The following AFG2A variants were observed in gnomAD, a reference collection of about 807,000 sequenced individuals.
The protein encoded by AFG2A is AAA ATPase AFG2A, also known as ATPase family gene 2 protein homolog A.
At chr4:123,074,111 T>TTTTTTTTTTTTG in the AFG2A span, among the ~76,000 whole-genome samples, 3 of 149,012 alleles carry the variant, frequency 2.0e-5, no homozygotes, top group Non-Finnish European at 3.0e-5. Flanking sequence ...TTTTTTTTTT[T>TTTTTTTTTTTTG]GAGGCAGAGT....
chr4:123,227,524 AG>A, the AFG2A span, among the ~76,000 whole-genome samples: 1 of 152,094 alleles, frequency 6.6e-6, no homozygotes, highest in African/African-American at 2.4e-5. Flanking sequence ...AGCGGTTTTG[AG>A]TGAGTTTCTT....
chr4:123,152,330 T>C, the AFG2A span, among the ~76,000 whole-genome samples: 1 of 152,210 alleles, frequency 6.6e-6, no homozygotes, highest in East Asian at 1.9e-4. Flanking sequence ...GAAGACAAGC[T>C]ACAGGCTGGG....
the AFG2A span, among the ~76,000 whole-genome samples, chr4:123,126,500 C>A: frequency 6.6e-6 from 1 of 152,082 alleles, no homozygotes; most frequent in Non-Finnish European, 1.5e-5. Context: ...GGCTGTGTCC[C>A]CACCAAAATC....
At chr4:123,294,950 T>A in the AFG2A span, among the ~76,000 whole-genome samples, 1 of 152,218 alleles carries the variant, frequency 6.6e-6, no homozygotes, top group Non-Finnish European at 1.5e-5. Flanking sequence ...CCATACTGGT[T>A]TGCAGCACCT....
At chr4:123,269,718 T>C in the AFG2A span, among the ~76,000 whole-genome samples, 2 of 152,164 alleles carry the variant, frequency 1.3e-5, no homozygotes, top group African/African-American at 2.4e-5. Context: ...TGGGGGAACC[T>C]GCATTTCAAC....
chr4:123,177,192 AT>A, the AFG2A span, among the ~76,000 whole-genome samples: 1,121 of 130,222 alleles, frequency 8.6e-3, 12 homozygotes, highest in Admixed American at 0.029. Flanking sequence ...GCTTGATTTG[AT>A]TTTTTTTTTT....
At chr4:123,308,384 C>T in the AFG2A span, among the ~76,000 whole-genome samples, 1,423 of 152,294 alleles carry the variant, frequency 9.3e-3, 12 homozygotes, top group Non-Finnish European at 0.015. Flanking sequence ...AGGCCATGCA[C>T]CGGTACTGGT....
At chr4:123,223,695 C>T in the AFG2A span, among the ~76,000 whole-genome samples, 1 of 152,182 alleles carries the variant, frequency 6.6e-6, no homozygotes, top group South Asian at 2.1e-4. Flanking sequence ...CCAGGCCCCA[C>T]CTCCAACACT....
At chr4:122,990,650 C>A in the AFG2A span, among the ~76,000 whole-genome samples, 4 of 152,088 alleles carry the variant, frequency 2.6e-5, no homozygotes, top group African/African-American at 9.7e-5. Context: ...ATGGTGCAGT[C>A]CTAGCTCACT....
At chr4:123,243,491 A>T in the AFG2A span, among the ~76,000 whole-genome samples, 1 of 152,136 alleles carries the variant, frequency 6.6e-6, no homozygotes, top group East Asian at 1.9e-4. Context: ...GCAAACTATC[A>T]GAAGGACAGA....
At chr4:123,305,452 T>C in the AFG2A span, among the ~76,000 whole-genome samples, 1 of 152,182 alleles carries the variant, frequency 6.6e-6, no homozygotes, top group South Asian at 2.1e-4. Flanking sequence ...AGCGAGGACA[T>C]GCTGACGCTA....
the AFG2A span, among the ~76,000 whole-genome samples, chr4:123,245,774 A>T: frequency 6.6e-6 from 1 of 152,332 alleles, no homozygotes; most frequent in Admixed American, 6.5e-5. Context: ...AGACTGATTG[A>T]TTTATTTGTT....
chr4:123,243,126 G>A, the AFG2A span, among the ~76,000 whole-genome samples: 2 of 152,190 alleles, frequency 1.3e-5, no homozygotes, highest in East Asian at 3.9e-4. Flanking sequence ...TGGAGAAGTA[G>A]GAACGCCTTT....
At chr4:123,226,801 G>A in the AFG2A span, among the ~76,000 whole-genome samples, 2 of 152,180 alleles carry the variant, frequency 1.3e-5, no homozygotes, top group Non-Finnish European at 2.9e-5. Flanking sequence ...GCTCCTCCTT[G>A]TACCTCTGGT....
At chr4:123,270,814 T>C in the AFG2A span, among the ~76,000 whole-genome samples, 22 of 152,184 alleles carry the variant, frequency 1.4e-4, no homozygotes, top group African/African-American at 5.1e-4. Context: ...GAATCATAGC[T>C]GGAAATGTTA....
At chr4:123,050,739 C>CT in the AFG2A span, among the ~76,000 whole-genome samples, 1,012 of 140,274 alleles carry the variant, frequency 7.2e-3, 11 homozygotes, top group African/African-American at 0.021. Flanking sequence ...ATAGTTGTGT[C>CT]TTTTTTTTTT....
chr4:123,269,893 G>T, the AFG2A span, among the ~76,000 whole-genome samples: 120,626 of 152,178 alleles, frequency 0.79, 48,482 homozygotes, highest in Non-Finnish European at 0.86. Flanking sequence ...CTCGGCTCAC[G>T]GCAACCTCTG....
At chr4:122,950,878 C>T in the AFG2A span, among the ~76,000 whole-genome samples, 1 of 152,204 alleles carries the variant, frequency 6.6e-6, no homozygotes, top group South Asian at 2.1e-4. Flanking sequence ...TGGGGTGTTC[C>T]TGTGCACGGG....
At chr4:123,203,817 C>T in the AFG2A span, among the ~76,000 whole-genome samples, 2 of 152,156 alleles carry the variant, frequency 1.3e-5, no homozygotes, top group African/African-American at 4.8e-5. Flanking sequence ...TAACAAATTA[C>T]CACAGGCTGG....
Sources: allele counts gnomAD v4.1 joint callset (sites outside exome capture counted in the v4.1 genomes callset), GRCh38; gene constraint gnomAD v4.1.1; transcripts MANE v1.5; gene names NCBI Gene and HGNC (gene_info 2026-07-23, HGNC 2026-07-21).